The following CARMIL1 variants were observed in gnomAD, a reference collection of about 807,000 sequenced individuals.
CARMIL1 encodes the protein F-actin-uncapping protein LRRC16A.
Under a neutral mutation model 177.1 loss-of-function variants are expected in CARMIL1, and 90 were observed. That is an observed-to-expected ratio of 0.51 (90% CI 0.43 to 0.61). The LOEUF (loss-of-function observed/expected upper bound fraction) is 0.61, where lower values mean the gene tolerates loss of function less well. Ranked by LOEUF, CARMIL1 falls within the 20% of genes least tolerant of loss-of-function variation. CARMIL1 has a pLI of 0.00. For synonymous variants in CARMIL1, 577 were observed against 606.2 expected (o/e 0.95, Z 0.71); for missense variants, 1,380 against 1,667.0 (o/e 0.83, Z 3.00).
At chr6:25,550,830 T>A (rs2151164677) in intron 26 of CARMIL1, 80 bp from the exon 27 acceptor site, 1 of 1,328,212 alleles carries the variant, frequency 7.5e-7, no homozygotes, top group South Asian at 1.3e-5. Flanking sequence ...CCGTGTCATA[T>A]ATAACCACCT....
At chr6:25,536,667 T>C (rs1056512005) in intron 24 of CARMIL1, among the ~76,000 whole-genome samples, 1 of 152,170 alleles carries the variant, frequency 6.6e-6, no homozygotes, top group Non-Finnish European at 1.5e-5. Context: ...GCAAGAGAGA[T>C]GGCAGTGCTA....
chr6:25,471,084 A>T, intron 9 of CARMIL1, 85 bp from the exon 10 acceptor site: 1 of 816,976 alleles, frequency 1.2e-6, no homozygotes, highest in Non-Finnish European at 1.9e-6. Context: ...TTACTTAATT[A>T]AAACTTTGCA....
chr6:25,493,627 A>C (rs1803436229), intron 15 of CARMIL1, among the ~76,000 whole-genome samples: 1 of 152,154 alleles, frequency 6.6e-6, no homozygotes, highest in Non-Finnish European at 1.5e-5. Context: ...ACTGGCTCCC[A>C]AGGCTTCTCT....
intron 4 of CARMIL1, among the ~76,000 whole-genome samples, chr6:25,435,053 C>A (rs1314444048): frequency 6.6e-6 from 1 of 152,132 alleles, no homozygotes; most frequent in Non-Finnish European, 1.5e-5. Context: ...TGTAAGACTG[C>A]AGCTCAGGAC....
chr6:25,506,446 T>C (rs1804922262), intron 17 of CARMIL1, among the ~76,000 whole-genome samples: 2 of 152,190 alleles, frequency 1.3e-5, no homozygotes, highest in African/African-American at 4.8e-5. Context: ...CTTGGGAGGC[T>C]GAGGCAGGAG....
chr6:25,589,360 C>G (rs1040034239), intron 31 of CARMIL1, among the ~76,000 whole-genome samples: 13 of 152,146 alleles, frequency 8.5e-5, no homozygotes, highest in Admixed American at 5.2e-4. Flanking sequence ...TCAGCTCTTT[C>G]GATGTACTTC....
intron 2 of CARMIL1, among the ~76,000 whole-genome samples, chr6:25,392,082 G>A (rs1792905897): frequency 8.7e-6 from 1 of 115,066 alleles, no homozygotes; most frequent in African/African-American, 2.7e-5. Context: ...GTGTGTGTGT[G>A]TGTGTGTGTG....
At chr6:25,588,460 G>A (rs1350790579) in intron 31 of CARMIL1, among the ~76,000 whole-genome samples, 3 of 152,160 alleles carry the variant, frequency 2.0e-5, no homozygotes, top group African/African-American at 7.2e-5. Context: ...ATGACATAAA[G>A]CATGAAGGTT....
chr6:25,609,414 C>T (rs1317626845), intron 35 of CARMIL1, among the ~76,000 whole-genome samples: 4 of 149,912 alleles, frequency 2.7e-5, no homozygotes, highest in East Asian at 2.0e-4. Flanking sequence ...TGCAGTGAGC[C>T]GGGATCGCAC....
intron 2 of CARMIL1, among the ~76,000 whole-genome samples, chr6:25,354,269 C>T (rs964349070): frequency 6.6e-6 from 1 of 151,908 alleles, no homozygotes; most frequent in Non-Finnish European, 1.5e-5. Flanking sequence ...AAGTGATCCT[C>T]CTGCCTCAGC....
chr6:25,525,572 G>T (rs1489959893), intron 23 of CARMIL1, among the ~76,000 whole-genome samples: 3 of 152,024 alleles, frequency 2.0e-5, no homozygotes, highest in African/African-American at 7.2e-5. Flanking sequence ...AATAAAATAA[G>T]GTAGCATTAT....
chr6:25,343,507 A>G (rs546760688), intron 2 of CARMIL1, among the ~76,000 whole-genome samples: 100 of 151,776 alleles, frequency 6.6e-4, no homozygotes, highest in Non-Finnish European at 1.3e-3. Context: ...CTCTCCACCA[A>G]TCTCTACTTG....
chr6:25,375,457 G>A (rs765110761), intron 2 of CARMIL1, among the ~76,000 whole-genome samples: 2 of 152,164 alleles, frequency 1.3e-5, no homozygotes, highest in Non-Finnish European at 2.9e-5. Context: ...CCTGATGACT[G>A]TATGCCTTGA....
In CARMIL1 at chr6:25,508,721, G is replaced by A. The variant is rs1805164366; in HGVS notation, c.1396-935G>A. On this transcript the variant is annotated intron_variant, in intron 17 of 36. Transcript: ENST00000329474. ...ATTTTCCTACATGAGTAAAGGACTT[G>A]CCATGTTCCTTGGTTTATAGTAGGT... Among the ~76,000 whole-genome samples, 3 of 152,144 alleles carry A rather than the reference G, an allele frequency of 2.0e-5. No homozygotes were observed. In the South Asian group the frequency reaches 6.2e-4, roughly 32 times the overall value.
In CARMIL1 at chr6:25,515,689, G is replaced by T; in HGVS notation, c.1647G>T (p.Leu549Phe). The change falls in exon 21 of 37, where the codon TTG becomes TTT. Residue 549 changes from leucine to phenylalanine, a missense_variant. Transcript: ENST00000329474. The surrounding 1 kb of genome is among the most constrained non-coding windows in gnomAD (Gnocchi z 5.0). ...TTGCTCCGCAGCCTCTGCAGTCCTT[G>T]TCCCTGGCTGACTCGAAACTCAAGA... is the stretch of plus-strand genomic sequence containing the variant. ...IQDEESPLQS[L>F]SLADSKLKTE... The T allele has an allele frequency of 6.2e-7, 1 of 1,604,070 alleles. No homozygotes were observed. The highest frequency in any genetic ancestry group is 1.1e-5 in the South Asian group (1 of 88,548).
chr6:25,472,517 T>C lies in CARMIL1; in HGVS notation c.870T>C (p.Asp290=), dbSNP rs779463975. Residue 290 remains aspartate, a synonymous_variant, in exon 11 of 37, where the codon GAT becomes GAC. Transcript: ENST00000329474. The part of the protein sequence containing the change: ...TINLAGNPLE[D]RGVSSLSIQF... ...ACCTTGCTGGCAACCCACTGGAGGA[T>C]AGAGGTACTGCAGAGTTCTCATTAT... 2 of 1,570,316 alleles carry C rather than the reference T, an allele frequency of 1.3e-6. No individual in the cohort carries two copies. The highest frequency in any genetic ancestry group is 1.9e-5 in the Admixed American group (1 of 53,880).
chr6:25,505,746 C>T (rs889808364), intron 17 of CARMIL1, among the ~76,000 whole-genome samples: 2 of 152,178 alleles, frequency 1.3e-5, no homozygotes, highest in Admixed American at 6.5e-5. Context: ...AGCTACTATG[C>T]CTGGCCATGT....
At chr6:25,402,244 A>G (rs975922962) in intron 2 of CARMIL1, among the ~76,000 whole-genome samples, 5 of 152,168 alleles carry the variant, frequency 3.3e-5, no homozygotes, top group Admixed American at 3.3e-4. Flanking sequence ...GTTCAATTAT[A>G]ATAAGACTCT....
At chr6:25,414,496 G>A (rs1246103620) in intron 2 of CARMIL1, among the ~76,000 whole-genome samples, 3 of 152,188 alleles carry the variant, frequency 2.0e-5, no homozygotes, top group African/African-American at 7.2e-5. Flanking sequence ...TAGAAACCAT[G>A]TGTGTGTACT....
Sources: gnomAD v4.1 joint callset for allele counts (sites outside exome capture counted in the v4.1 genomes callset) on GRCh38, gnomAD v4.1.1 for gene constraint, Gnocchi (gnomAD v3.1) non-coding constraint, MANE v1.5 for transcripts, NCBI Gene and HGNC (gene_info 2026-07-23, HGNC 2026-07-21) for gene names.